Variants in ACAP2 observed in about 807,000 individuals in gnomAD.
ACAP2 encodes ArfGAP with coiled-coil, ankyrin repeat and PH domains 2.
A neutral mutation model predicts 115.8 loss-of-function variants in ACAP2; 39 were observed. That is an observed-to-expected ratio of 0.34 (90% CI 0.26 to 0.44). The LOEUF (loss-of-function observed/expected upper bound fraction) is 0.44. Ranked by LOEUF, ACAP2 falls within the 20% of genes least tolerant of loss-of-function variation. The pLI is 1.00. For synonymous variants in ACAP2, 289 were observed against 315.8 expected (o/e 0.92, Z 0.90); for missense variants, 662 against 927.6 (o/e 0.71, Z 3.72).
At chr3:195,301,703 G>A in intron 14 of ACAP2, 59 bp from the exon 15 acceptor site, 2 of 1,492,610 alleles carry the variant, frequency 1.3e-6, no homozygotes, top group Non-Finnish European at 9.2e-7. Flanking sequence ...ATTTGCGCAA[G>A]TTCTGTTTTA....
intron 7 of ACAP2, 41 bp downstream of exon 7, chr3:195,336,891 A>T (rs1424187456): frequency 6.8e-7 from 1 of 1,471,578 alleles, no homozygotes; most frequent in Non-Finnish European, 9.5e-7. Context: ...ATTTAGTTTC[A>T]TATTAAAATA....
intron 21 of ACAP2, among the ~76,000 whole-genome samples, chr3:195,286,462 C>T (rs113083533): frequency 4.3e-4 from 65 of 152,182 alleles, no homozygotes; most frequent in African/African-American, 1.5e-3. Context: ...TAAGTATTTC[C>T]TTTAAGCAAC....
intron 16 of ACAP2, among the ~76,000 whole-genome samples, 180 bp downstream of exon 16, chr3:195,297,010 C>G (rs1727696083): frequency 1.3e-5 from 2 of 152,094 alleles, no homozygotes; most frequent in African/African-American, 4.8e-5. Flanking sequence ...AATTGATTAT[C>G]TGTTCAATAC....
chr3:195,372,304 T>C (rs1451789073), intron 4 of ACAP2, among the ~76,000 whole-genome samples: 1 of 152,136 alleles, frequency 6.6e-6, no homozygotes, highest in Admixed American at 6.5e-5. Context: ...GCATGCCAGA[T>C]AAACACATGC....
intron 1 of ACAP2, among the ~76,000 whole-genome samples, chr3:195,405,777 T>C (rs993305594): frequency 2.0e-5 from 3 of 151,904 alleles, no homozygotes; most frequent in Non-Finnish European, 4.4e-5. Flanking sequence ...GGAAGCATGA[T>C]AGTGGCTTCA....
intron 1 of ACAP2, among the ~76,000 whole-genome samples, chr3:195,399,047 A>T (rs1712044875): frequency 6.6e-6 from 1 of 152,156 alleles, no homozygotes; most frequent in African/African-American, 2.4e-5. Context: ...GGCAAAAGTA[A>T]TTGCGGTTTT....
chr3:195,357,667 AG>A (rs1732069477), intron 4 of ACAP2: 1 of 152,240 alleles, frequency 6.6e-6, no homozygotes, highest in Non-Finnish European at 1.5e-5. Context: ...GGAGAAAGTA[AG>A]GGAAGAAAAC....
chr3:195,422,554 G>C (rs1168499643), intron 1 of ACAP2, among the ~76,000 whole-genome samples: 1 of 151,996 alleles, frequency 6.6e-6, no homozygotes, highest in Non-Finnish European at 1.5e-5. Flanking sequence ...GTCGATCATA[G>C]CTCACTGCAG....
chr3:195,345,321 A>C lies in ACAP2; in HGVS notation c.286-4T>G, dbSNP rs758603695. On this transcript the variant is annotated splice_region_variant and splice_polypyrimidine_tract_variant and intron_variant, in intron 4 of 22. Transcript: ENST00000326793. ...TCTGAGTTTGGTCAAACAGGATCTA[A>C]AAAATAAAATGTAATATTAAGTGAT... The C allele has an allele frequency of 6.3e-7, 1 of 1,591,102 alleles. No individual in the cohort carries two copies. Among genetic ancestry groups the C allele is most frequent in the South Asian group, 1.1e-5 (1 of 90,248 alleles).
At chr3:195,395,731 T>C (rs1442483687) in intron 1 of ACAP2, among the ~76,000 whole-genome samples, 3 of 152,176 alleles carry the variant, frequency 2.0e-5, no homozygotes, top group South Asian at 2.1e-4. Flanking sequence ...CCATTAAGAA[T>C]GTCAAATATA....
rs535946246 is a variant in ACAP2 at position 195,382,225 on chromosome 3, T to G, written c.112-203A>C. On this transcript the variant is annotated intron_variant, in intron 2 of 22. Transcript: ENST00000326793. ...CGTAGCAGAGTTGTACCAGAAAAGT[T>G]GACCATTTAGGATCCAGAGGCTGTG... is the stretch of plus-strand genomic sequence containing the variant. Among the ~76,000 whole-genome samples the G allele has an allele frequency of 2.6e-5, 4 of 152,328 alleles. No homozygotes were observed. The South Asian group carries it at 8.3e-4, about 32-fold the overall frequency.
chr3:195,386,738 A>ATG lies in ACAP2; in HGVS notation c.112-4718_112-4717dup, dbSNP rs1291317775. Among the ~76,000 whole-genome samples, 4 of 152,220 alleles carry ATG rather than the reference A, an allele frequency of 2.6e-5. No homozygotes were observed. In the East Asian group the frequency reaches 7.7e-4, roughly 29 times the overall value. ...TGGGTGCAGCAAACCACCATGGCAC[A>ATG]TGTATACCTGTGTTACAAACCTGCA... On this transcript the variant is annotated intron_variant, in intron 2 of 22. Coordinates refer to ENST00000326793, the MANE Select transcript of ACAP2 (RefSeq NM_012287.6).
intron 2 of ACAP2, among the ~76,000 whole-genome samples, chr3:195,389,971 G>A (rs149900360): frequency 0.013 from 1,948 of 152,290 alleles, 32 homozygotes; most frequent in African/African-American, 0.043. Flanking sequence ...CGAGGCGGGC[G>A]GATTGCCTGA....
chr3:195,352,940 G>A (rs1731708164), intron 4 of ACAP2, among the ~76,000 whole-genome samples: 1 of 152,076 alleles, frequency 6.6e-6, no homozygotes, highest in African/African-American at 2.4e-5. Flanking sequence ...AATTAGCTGG[G>A]TGTGGTGGCG....
At chr3:195,412,836 G>A in intron 1 of ACAP2, 1 of 445,184 alleles carries the variant, frequency 2.2e-6, no homozygotes, top group South Asian at 1.6e-5. Context: ...AAAATTCCTT[G>A]AGCACTTACT....
chr3:195,417,680 G>A (rs148080567), intron 1 of ACAP2, among the ~76,000 whole-genome samples: 2 of 152,180 alleles, frequency 1.3e-5, no homozygotes, highest in Non-Finnish European at 2.9e-5. Context: ...GGGTACAGTG[G>A]CTCACACCTG....
At chr3:195,290,970 C>T (rs1361822687) in intron 20 of ACAP2, among the ~76,000 whole-genome samples, 1 of 152,070 alleles carries the variant, frequency 6.6e-6, no homozygotes, top group Non-Finnish European at 1.5e-5. Flanking sequence ...GCTATGATTG[C>T]ACCAGTGCAC....
intron 1 of ACAP2, among the ~76,000 whole-genome samples, chr3:195,404,509 A>T (rs1712573034): frequency 6.6e-6 from 1 of 152,076 alleles, no homozygotes; most frequent in South Asian, 2.1e-4. Context: ...AATGAGTTGT[A>T]ACATTCAGGA....
At chr3:195,318,001 T>C (rs192987594) in intron 10 of ACAP2, among the ~76,000 whole-genome samples, 11 of 152,318 alleles carry the variant, frequency 7.2e-5, no homozygotes, top group African/African-American at 2.4e-4. Flanking sequence ...GACTGGGTCA[T>C]GCAGGCGGTT....
Sources: allele counts gnomAD v4.1 joint callset (sites outside exome capture counted in the v4.1 genomes callset), GRCh38; gene constraint gnomAD v4.1.1; transcripts MANE v1.5; gene names NCBI Gene and HGNC (gene_info 2026-07-23, HGNC 2026-07-21).